Variants in CDKN2B-AS1 observed in about 807,000 individuals in gnomAD.
CDKN2B-AS1 encodes the protein CDKN2B and CDKN2A antisense cis and trans regulatory RNA 1, also known as CDKN2B antisense RNA 1 (non-protein coding).
At chr9:22,064,441 G>GTT (rs1178426123) in intron 4 of CDKN2B-AS1, among the ~76,000 whole-genome samples, 1 of 152,126 alleles carries the variant, frequency 6.6e-6, no homozygotes, top group Non-Finnish European at 1.5e-5. Context: ...GTTTCAGAAG[G>GTT]CATAGTGGTA....
At chr9:22,099,159 A>T (rs140560509) in intron 4 of CDKN2B-AS1, among the ~76,000 whole-genome samples, 174 of 152,248 alleles carry the variant, frequency 1.1e-3, no homozygotes, top group African/African-American at 4.0e-3. Context: ...TTCCAGGGAG[A>T]GGGAACAACA....
chr9:22,024,634 C>G (rs977900798), intron 1 of CDKN2B-AS1, among the ~76,000 whole-genome samples: 4 of 152,162 alleles, frequency 2.6e-5, no homozygotes, highest in African/African-American at 4.8e-5. Context: ...CTGTGTGCTG[C>G]TAAGGTTCTG....
chr9:22,115,429 G>A (rs1038958251), intron 4 of CDKN2B-AS1, among the ~76,000 whole-genome samples: 6 of 152,142 alleles, frequency 3.9e-5, no homozygotes, highest in East Asian at 3.9e-4. Flanking sequence ...TCTCAGAAGC[G>A]AGGGAGACTT....
In CDKN2B-AS1 at chr9:22,005,112, ATG is replaced by A. The variant is rs3028393; in HGVS notation, n.29+9980_29+9981del. 0.092 allele frequency: 20,613 copies of A among 224,096 alleles called. 650 individuals are homozygous for A. The highest frequency in any genetic ancestry group is 0.11 in the Middle Eastern group (85 of 770). The allele number at this position is 224,096 out of a possible 1,614,324, so 13.9% of individuals were successfully genotyped here. A position where few individuals can be genotyped will look rare whatever the true frequency, so the allele number is the denominator to read the frequency against. On this transcript the variant is annotated intron_variant and non_coding_transcript_variant, in intron 1 of 4. Coordinates refer to ENST00000650946, the Ensembl canonical transcript of CDKN2B-AS1. The surrounding 1 kb of genome is among the most constrained non-coding windows in gnomAD (Gnocchi z 4.9). The stretch of plus-strand genomic sequence containing the variant: ...CATAAGGGGATTTCCGCATCCTAGC[ATG>A]TGTGTGTGTGTGTGTGTGTGTGTGT...
intron 1 of CDKN2B-AS1, among the ~76,000 whole-genome samples, chr9:22,036,467 A>G (rs1394391287): frequency 6.6e-6 from 1 of 152,148 alleles, no homozygotes; most frequent in Non-Finnish European, 1.5e-5. Context: ...GTTGCATCAA[A>G]TAACAAAGTT....
chr9:22,120,923 G>A (rs1346358084), intron 4 of CDKN2B-AS1: 1 of 152,022 alleles, frequency 6.6e-6, no homozygotes, highest in Non-Finnish European at 1.5e-5. Context: ...AACCTTATAA[G>A]GTGGTTGCTA....
chr9:22,057,112 C>T (rs1823604384), intron 4 of CDKN2B-AS1, among the ~76,000 whole-genome samples: 1 of 152,058 alleles, frequency 6.6e-6, no homozygotes. Flanking sequence ...ATATTTGCCT[C>T]TGAGTGTATG....
intron 4 of CDKN2B-AS1, among the ~76,000 whole-genome samples, chr9:22,125,677 A>T (rs1563996067): frequency 6.6e-6 from 1 of 152,258 alleles, no homozygotes; most frequent in Non-Finnish European, 1.5e-5. Flanking sequence ...TTTATTCAGC[A>T]ATTATGAGCC....
chr9:22,032,714 T>C (rs978204514), intron 1 of CDKN2B-AS1: 1 of 151,846 alleles, frequency 6.6e-6, no homozygotes, highest in Non-Finnish European at 1.5e-5. Context: ...CCACTTGCTG[T>C]CTTGGATGTG....
chr9:22,023,194 A>T (rs1454127372), intron 1 of CDKN2B-AS1, among the ~76,000 whole-genome samples: 1 of 152,154 alleles, frequency 6.6e-6, no homozygotes, highest in East Asian at 1.9e-4. Context: ...GGAAGTTCTC[A>T]TGGATGATAT....
intron 1 of CDKN2B-AS1, among the ~76,000 whole-genome samples, chr9:22,014,351 G>C (rs1821647310): frequency 6.6e-6 from 1 of 152,068 alleles, no homozygotes; most frequent in East Asian, 1.9e-4. Context: ...AGAGATGAGG[G>C]TCTTGCTTTT....
chr9:22,020,014 C>G (rs188501645), intron 1 of CDKN2B-AS1, among the ~76,000 whole-genome samples: 1 of 152,128 alleles, frequency 6.6e-6, no homozygotes, highest in African/African-American at 2.4e-5. Flanking sequence ...CTTATTTTCT[C>G]CCTCCACCCA....
intron 3 of CDKN2B-AS1, among the ~76,000 whole-genome samples, chr9:22,051,345 C>A (rs1004915981): frequency 6.6e-6 from 1 of 152,138 alleles, no homozygotes; most frequent in Non-Finnish European, 1.5e-5. Flanking sequence ...AGTAATTAAA[C>A]AAGAGCTAGC....
chr9:22,106,868 G>A (rs997074970), intron 4 of CDKN2B-AS1, among the ~76,000 whole-genome samples: 1 of 152,156 alleles, frequency 6.6e-6, no homozygotes, highest in African/African-American at 2.4e-5. Context: ...CTATGAAGCA[G>A]GACTAATGTT....
At chr9:22,011,299 C>G (rs781367101) in intron 1 of CDKN2B-AS1, among the ~76,000 whole-genome samples, 9 of 152,188 alleles carry the variant, frequency 5.9e-5, no homozygotes, top group African/African-American at 9.7e-5. Flanking sequence ...TGGATTTTAT[C>G]TAATATTCTC....
intron 4 of CDKN2B-AS1, among the ~76,000 whole-genome samples, chr9:22,079,724 A>T (rs1439645184): frequency 6.6e-6 from 1 of 150,474 alleles, no homozygotes; most frequent in Non-Finnish European, 1.5e-5. Flanking sequence ...AGATTTTCTT[A>T]CTCTTCTCTT....
chr9:22,008,904 C>T, intron 1 of CDKN2B-AS1: 2 of 1,612,968 alleles, frequency 1.2e-6, no homozygotes, highest in South Asian at 1.1e-5. Context: ...GCTGGCCAGA[C>T]CCTCATCGCT....
chr9:22,021,559 A>G (rs1822019288), intron 1 of CDKN2B-AS1, among the ~76,000 whole-genome samples: 1 of 152,218 alleles, frequency 6.6e-6, no homozygotes, highest in East Asian at 1.9e-4. Flanking sequence ...ATACATGAGC[A>G]TAGAATGCTT....
At chr9:22,035,977 C>T (rs940522354) in intron 1 of CDKN2B-AS1, among the ~76,000 whole-genome samples, 3 of 152,074 alleles carry the variant, frequency 2.0e-5, no homozygotes, top group African/African-American at 7.2e-5. Flanking sequence ...GATGTAAGGG[C>T]TACAGTTAAC....
Sources: allele counts gnomAD v4.1 joint callset (sites outside exome capture counted in the v4.1 genomes callset), GRCh38; gene constraint gnomAD v4.1.1; non-coding constraint Gnocchi (gnomAD v3.1); transcripts MANE v1.5; gene names NCBI Gene and HGNC (gene_info 2026-07-23, HGNC 2026-07-21).